The following LUZP2 variants were observed in gnomAD, a reference collection of about 807,000 sequenced individuals.
LUZP2 encodes leucine zipper protein 2.
In LUZP2, 52 loss-of-function variants were observed where a neutral mutation model predicts 51.6. That is an observed-to-expected ratio of 1.01 (90% CI 0.81 to 1.27). The LOEUF (loss-of-function observed/expected upper bound fraction) is 1.27, where lower values mean the gene tolerates loss of function less well. Ranked by LOEUF, LUZP2 falls within the 50% of genes most tolerant of loss-of-function variation. The pLI is 0.00. For missense variants in LUZP2, 436 were observed against 395.4 expected (o/e 1.10, Z -0.87); for synonymous variants, 154 against 137.3 (o/e 1.12, Z -0.85).
chr11:24,594,657 G>A (rs564907387), intron 1 of LUZP2, among the ~76,000 whole-genome samples: 2 of 150,434 alleles, frequency 1.3e-5, no homozygotes, highest in East Asian at 3.9e-4. Context: ...ATTATATCAT[G>A]TGTTAATGTC....
chr11:24,975,411 A>G (rs530256061), intron 7 of LUZP2, among the ~76,000 whole-genome samples: 31 of 152,080 alleles, frequency 2.0e-4, no homozygotes, highest in Non-Finnish European at 4.0e-4. Flanking sequence ...ATAAGTTTGT[A>G]GATTATTTAG....
At chr11:24,787,647 C>G (rs1034093812) in intron 5 of LUZP2, among the ~76,000 whole-genome samples, 2 of 152,078 alleles carry the variant, frequency 1.3e-5, no homozygotes, top group Non-Finnish European at 2.9e-5. Context: ...ACCTCCAACA[C>G]TCACCTCTAT....
intron 5 of LUZP2, among the ~76,000 whole-genome samples, chr11:24,793,886 T>C (rs1386133178): frequency 1.3e-5 from 2 of 151,866 alleles, no homozygotes; most frequent in African/African-American, 4.8e-5. Flanking sequence ...GTTATATTTA[T>C]ATACATTTTT....
chr11:24,722,865 C>T (rs549905534), intron 1 of LUZP2, among the ~76,000 whole-genome samples: 7 of 151,102 alleles, frequency 4.6e-5, no homozygotes, highest in Non-Finnish European at 8.8e-5. Context: ...TGCAGTGAGC[C>T]GATATCATGC....
chr11:25,024,847 A>C (rs1260509311), intron 9 of LUZP2, among the ~76,000 whole-genome samples: 4 of 146,042 alleles, frequency 2.7e-5, no homozygotes, highest in Non-Finnish European at 6.0e-5. Context: ...AGTCAATCCT[A>C]AGCCATAAGA....
intron 7 of LUZP2, among the ~76,000 whole-genome samples, chr11:24,941,291 T>G (rs1285707241): frequency 1.3e-5 from 2 of 152,224 alleles, no homozygotes; most frequent in Non-Finnish European, 2.9e-5. Flanking sequence ...AGTAGAGTTT[T>G]GTTGAAAGTT....
chr11:24,820,650 ATTACT>A (rs1315105171), intron 5 of LUZP2, among the ~76,000 whole-genome samples: 1 of 152,138 alleles, frequency 6.6e-6, no homozygotes, highest in South Asian at 2.1e-4. Flanking sequence ...CATGTCCAAG[ATTACT>A]TTAATGACTC....
intron 4 of LUZP2, among the ~76,000 whole-genome samples, chr11:24,751,827 T>C (rs1859599796): frequency 6.6e-6 from 1 of 150,654 alleles, no homozygotes; most frequent in Non-Finnish European, 1.5e-5. Flanking sequence ...ATTACTGGAG[T>C]AGATAAACTA....
intron 1 of LUZP2, among the ~76,000 whole-genome samples, chr11:24,713,384 T>C (rs1218285925): frequency 6.6e-6 from 1 of 152,140 alleles, no homozygotes; most frequent in East Asian, 1.9e-4. Context: ...TGTGAATTAA[T>C]AGGAATCTAT....
rs566468975 is a variant in LUZP2 at position 24,811,459 on chromosome 11, C to T, written c.396+48151C>T. Among the ~76,000 whole-genome samples the T allele has an allele frequency of 1.1e-4, 17 of 152,214 alleles. No homozygotes were observed. The South Asian group carries it at 1.2e-3, about 11-fold the overall frequency. On this transcript the variant is annotated intron_variant, in intron 5 of 11. Transcript: ENST00000336930. ...TGACATAGTTAATGTCAACTTTATC[C>T]TCCTTCTTGTTCAGCCAAAAATCAT...
intron 5 of LUZP2, among the ~76,000 whole-genome samples, chr11:24,825,951 C>T (rs977620438): frequency 6.6e-6 from 1 of 151,370 alleles, no homozygotes; most frequent in Non-Finnish European, 1.5e-5. Context: ...TTTGGGAGGC[C>T]GAGGCGGGTG....
rs950517726 is a variant in LUZP2, at chr11:24,611,187, A to T, written c.62+113882A>T. On this transcript the variant is annotated intron_variant, in intron 1 of 11. Transcript: ENST00000336930. This position sits in a 1 kb window ranked among gnomAD's most constrained non-coding sequence, Gnocchi z 4.6. ...AAATGTTTATATTATTCATTCAAAA[A>T]TAGTCAACTTTTACTTTGTGCCGAG... 1.3e-5 allele frequency among the ~76,000 whole-genome samples: 2 copies of T among 152,132 alleles called. No individual in the cohort carries two copies. Among genetic ancestry groups the T allele is most frequent in the Non-Finnish European group, 2.9e-5 (2 of 68,018 alleles).
At chr11:24,674,741 T>A (rs1407943795) in intron 1 of LUZP2, among the ~76,000 whole-genome samples, 2 of 152,202 alleles carry the variant, frequency 1.3e-5, no homozygotes, top group Non-Finnish European at 2.9e-5. Flanking sequence ...CCTATCTGCA[T>A]CTTTGTTTCT....
At chr11:24,895,944 A>G (rs920526291) in intron 5 of LUZP2, among the ~76,000 whole-genome samples, 4 of 152,206 alleles carry the variant, frequency 2.6e-5, no homozygotes, top group African/African-American at 9.7e-5. Context: ...TCACCAATTT[A>G]CGTTCCCACC....
chr11:24,727,169 A>G (rs1858512385), intron 1 of LUZP2, among the ~76,000 whole-genome samples: 1 of 152,108 alleles, frequency 6.6e-6, no homozygotes, highest in Admixed American at 6.6e-5. Flanking sequence ...TTAAAAATAA[A>G]TATAGTAAAC....
chr11:24,829,203 G>A (rs1275702467), intron 5 of LUZP2, among the ~76,000 whole-genome samples: 1 of 152,010 alleles, frequency 6.6e-6, no homozygotes, highest in African/African-American at 2.4e-5. Flanking sequence ...AGGAGAGAGG[G>A]GAGTGAAGTA....
chr11:24,739,042 G>A (rs76984169), intron 4 of LUZP2, among the ~76,000 whole-genome samples: 2,159 of 152,152 alleles, frequency 0.014, 54 homozygotes, highest in African/African-American at 0.049. Flanking sequence ...GTATGGTAAG[G>A]TCAACAGATC....
At chr11:24,664,742 G>T (rs547086493) in intron 1 of LUZP2, among the ~76,000 whole-genome samples, 2 of 152,202 alleles carry the variant, frequency 1.3e-5, no homozygotes, top group Non-Finnish European at 2.9e-5. Flanking sequence ...CTTATATGTG[G>T]TGTTGGGCCT....
chr11:24,608,596 G>C (rs1854013048), intron 1 of LUZP2, among the ~76,000 whole-genome samples: 1 of 152,132 alleles, frequency 6.6e-6, no homozygotes, highest in Non-Finnish European at 1.5e-5. Context: ...GGCATGAACT[G>C]CTTCTCCAAG....
Sources: allele counts gnomAD v4.1 joint callset (sites outside exome capture counted in the v4.1 genomes callset), GRCh38; gene constraint gnomAD v4.1.1; non-coding constraint Gnocchi (gnomAD v3.1); transcripts MANE v1.5; gene names NCBI Gene and HGNC (gene_info 2026-07-23, HGNC 2026-07-21).